The following SOX5 variants were observed in gnomAD, a reference collection of about 807,000 sequenced individuals.
The protein encoded by SOX5 is SRY-box transcription factor 5.
A neutral mutation model predicts 92.0 loss-of-function variants in SOX5; 9 were observed. The observed-to-expected ratio is 0.10, with a 90% CI of 0.06 to 0.17. SOX5 has a LOEUF of 0.17. Ranked by LOEUF, SOX5 falls within the 10% of genes least tolerant of loss-of-function variation. The pLI is 1.00. For missense variants in SOX5, 642 were observed against 944.5 expected (o/e 0.68, Z 4.20); for synonymous variants, 344 against 336.3 (o/e 1.02, Z -0.25).
At chr12:23,909,823 C>T (rs1470454246) in intron 1 of SOX5, among the ~76,000 whole-genome samples, 1 of 112,174 alleles carries the variant, frequency 8.9e-6, no homozygotes, top group Admixed American at 9.5e-5. Flanking sequence ...CTCATTACCA[C>T]ATGCTAGAAC....
At chr12:23,949,772 C>CTG (rs1569217487), upstream of SOX5, 14 of 446,290 alleles carry the variant, frequency 3.1e-5, no homozygotes, top group South Asian at 7.7e-5. Flanking sequence ...CTCTGTCTCT[C>CTG]TCTCTCTCTC....
At chr12:23,778,163 C>T (rs554859427) in intron 3 of SOX5, among the ~76,000 whole-genome samples, 1 of 152,302 alleles carries the variant, frequency 6.6e-6, no homozygotes, top group African/African-American at 2.4e-5. Context: ...TTAAATGTGA[C>T]TCCGTTGTAT....
chr12:23,640,680 A>G (rs1056009306), intron 8 of SOX5, 132 bp downstream of exon 8: 1 of 689,844 alleles, frequency 1.4e-6, no homozygotes, highest in Non-Finnish European at 2.5e-6. Flanking sequence ...GTTGAGGATC[A>G]TTACAAATAA....
intron 4 of SOX5, among the ~76,000 whole-genome samples, chr12:24,094,724 C>T (rs933316250): frequency 1.3e-5 from 2 of 152,102 alleles, no homozygotes; most frequent in Non-Finnish European, 2.9e-5. Context: ...ATGTACTGAG[C>T]AACCCATACT....
chr12:24,122,529 G>T (rs925378242), intron 4 of SOX5, among the ~76,000 whole-genome samples: 2 of 152,128 alleles, frequency 1.3e-5, no homozygotes, highest in African/African-American at 4.8e-5. Context: ...ATTTAGTGGC[G>T]CATTACACTT....
At chr12:24,435,705 T>C (rs1027578490) in intron 1 of SOX5, among the ~76,000 whole-genome samples, 2 of 152,244 alleles carry the variant, frequency 1.3e-5, no homozygotes, top group Non-Finnish European at 2.9e-5. Context: ...ACACAAGCCA[T>C]AATATAGCTC....
At chr12:24,470,868 C>T (rs1464604710) in intron 1 of SOX5, among the ~76,000 whole-genome samples, 1 of 152,128 alleles carries the variant, frequency 6.6e-6, no homozygotes. Flanking sequence ...AACATGGTAA[C>T]ATATAAATGA....
chr12:24,479,974 T>C (rs897867495), intron 1 of SOX5, among the ~76,000 whole-genome samples: 2 of 152,194 alleles, frequency 1.3e-5, no homozygotes, highest in Non-Finnish European at 2.9e-5. Flanking sequence ...TCCTGGAGAA[T>C]TATTTTAAAA....
Position 24,168,221 on chromosome 12 carries a change from G to A in SOX5, c.-2+45122C>T, listed in dbSNP as rs140727250. 2.0e-3 allele frequency among the ~76,000 whole-genome samples: 310 copies of A among 152,270 alleles called. 1 individual carries two copies. The highest frequency in any genetic ancestry group is 4.7e-3 in the Admixed American group (72 of 15,290). On this transcript the variant is annotated intron_variant, in intron 4 of 4. Coordinates refer to the SOX5 transcript ENST00000446891. The stretch of plus-strand genomic sequence containing the variant: ...TGGTGAGATTTTAGACTGATTCAGA[G>A]TTGTGTTAACCTAATGACTGACACA...
chr12:24,092,293 G>A (rs1944746631), intron 4 of SOX5, among the ~76,000 whole-genome samples: 1 of 145,602 alleles, frequency 6.9e-6, no homozygotes, highest in Non-Finnish European at 1.5e-5. Context: ...TTCAGGCTTA[G>A]GGTACAATGC....
chr12:23,534,252 G>T lies in SOX5; in HGVS notation c.2259C>A (p.Asp753Glu). Residue 753 changes from aspartate (D) to glutamate (E), a missense_variant, in exon 15 of 15, where the codon GAC becomes GAA. Asp to Glu is a conservative substitution (Grantham distance 45). This residue lies in a region of SOX5 where 130 missense variants were observed against 140.6 expected (regional missense o/e 0.92). Coordinates refer to ENST00000451604, the MANE Select transcript of SOX5 (RefSeq NM_006940.6). ...EDDPDVDYGS[D>E]SENHIAGQAN ...CTTGTCCTGCAATATGGTTTTCACTGTCACTCCCATAATCTACATCTGGAT... is the reference window on the plus strand; with the variant it reads ...CTTGTCCTGCAATATGGTTTTCACTTTCACTCCCATAATCTACATCTGGAT... 9 of 1,614,086 alleles carry T rather than the reference G, an allele frequency of 5.6e-6. No homozygotes were observed. Among genetic ancestry groups the T allele is most frequent in the Non-Finnish European group, 7.6e-6 (9 of 1,179,974 alleles).
At chr12:24,010,961 T>A (rs1952861267) in intron 4 of SOX5, among the ~76,000 whole-genome samples, 1 of 151,834 alleles carries the variant, frequency 6.6e-6, no homozygotes, top group Non-Finnish European at 1.5e-5. Flanking sequence ...AAGAATAATA[T>A]TCTGAAATAT....
intron 6 of SOX5, among the ~76,000 whole-genome samples, chr12:23,666,998 A>C (rs532117209): frequency 2.2e-4 from 34 of 152,096 alleles, no homozygotes; most frequent in African/African-American, 8.0e-4. Context: ...CCTTTATTTA[A>C]TCTTCCACAG....
chr12:24,286,182 T>TA (rs1205182782), intron 2 of SOX5, among the ~76,000 whole-genome samples: 1 of 151,942 alleles, frequency 6.6e-6, no homozygotes, highest in African/African-American at 2.4e-5. Context: ...GACGTGACAG[T>TA]AAAAAAAGAG....
chr12:23,813,952 T>C (rs544141609), intron 3 of SOX5, among the ~76,000 whole-genome samples: 22 of 152,206 alleles, frequency 1.4e-4, no homozygotes, highest in Non-Finnish European at 2.8e-4. Context: ...TTTTCATTAA[T>C]ATCACAATGT....
chr12:23,961,189 AATTT>A (rs1463049519), intron 4 of SOX5, among the ~76,000 whole-genome samples: 1 of 152,136 alleles, frequency 6.6e-6, no homozygotes, highest in East Asian at 1.9e-4. Flanking sequence ...GATAATCCTG[AATTT>A]ATTTTCTTAA....
chr12:23,676,930 T>A (rs956928579), intron 6 of SOX5, among the ~76,000 whole-genome samples: 15 of 152,184 alleles, frequency 9.9e-5, no homozygotes, highest in African/African-American at 3.6e-4. Context: ...CATATTGGTA[T>A]CCACAATACC....
intron 3 of SOX5, among the ~76,000 whole-genome samples, chr12:23,799,411 A>G (rs16926727): frequency 0.12 from 17,619 of 152,010 alleles, 1,139 homozygotes; most frequent in East Asian, 0.21. Flanking sequence ...CTCCCTAACA[A>G]TGTAGCCAAA....
At chr12:23,556,124 T>C (rs372138225) in intron 11 of SOX5, among the ~76,000 whole-genome samples, 1 of 152,230 alleles carries the variant, frequency 6.6e-6, no homozygotes, top group East Asian at 1.9e-4. Flanking sequence ...TCCTGTCCCA[T>C]AAGAAGTGTT....
Sources: allele counts gnomAD v4.1 joint callset (sites outside exome capture counted in the v4.1 genomes callset), GRCh38; gene constraint gnomAD v4.1.1; regional missense constraint gnomAD v4.1.1; transcripts MANE v1.5; gene names NCBI Gene and HGNC (gene_info 2026-07-23, HGNC 2026-07-21).